The following SUN1 variants were observed in gnomAD, a reference collection of about 807,000 sequenced individuals.
SUN1 encodes SUN domain-containing protein 1.
Under a neutral mutation model 103.2 loss-of-function variants are expected in SUN1, and 61 were observed. The ratio of observed to expected loss-of-function variants is 0.59; its 90% CI spans 0.48 to 0.73. The LOEUF (loss-of-function observed/expected upper bound fraction) is 0.73, where lower values mean the gene tolerates loss of function less well. Ranked by LOEUF, SUN1 falls within the 30% of genes least tolerant of loss-of-function variation. The pLI, the probability that SUN1 is intolerant of heterozygous loss-of-function variation, is 0.00. For synonymous variants in SUN1, 490 were observed against 425.7 expected (o/e 1.15, Z -1.86); for missense variants, 1,052 against 1,034.6 (o/e 1.02, Z -0.23).
intron 5 of SUN1, among the ~76,000 whole-genome samples, chr7:845,282 C>T (rs987816115): frequency 7.2e-5 from 11 of 152,092 alleles, no homozygotes; most frequent in African/African-American, 2.7e-4. Context: ...AAACTCATGG[C>T]GCCTCCCCTC....
chr7:871,626 G>C (rs149890277), intron 17 of SUN1, among the ~76,000 whole-genome samples: 3,568 of 152,272 alleles, frequency 0.023, 111 homozygotes, highest in African/African-American at 0.069. Context: ...CTGACCTTCT[G>C]ATCCACCCAC....
chr7:855,638 C>T (rs1271805029), intron 11 of SUN1, among the ~76,000 whole-genome samples: 1 of 152,242 alleles, frequency 6.6e-6, no homozygotes, highest in East Asian at 1.9e-4. Context: ...GGGACCCACT[C>T]CTGGACCTTG....
upstream of SUN1, chr7:830,792 C>G (rs1395620176): frequency 2.2e-5 from 5 of 225,730 alleles, no homozygotes; most frequent in Non-Finnish European, 3.7e-5. Flanking sequence ...GTCCATAGCA[C>G]TGAGTTAGCC....
At chr7:866,639 C>T (rs1254970666) in intron 16 of SUN1, among the ~76,000 whole-genome samples, 1 of 138,632 alleles carries the variant, frequency 7.2e-6, no homozygotes, top group African/African-American at 2.8e-5. Context: ...CCCGGGCCTT[C>T]GCCCCCACTG....
intron 15 of SUN1, 64 bp from the exon 16 acceptor site, chr7:865,888 G>T: frequency 5.5e-6 from 7 of 1,284,076 alleles, no homozygotes; most frequent in Non-Finnish European, 7.9e-6. Context: ...CTGAAGTGGT[G>T]CAGTACTATT....
In SUN1 at chr7:839,928, A is replaced by C. The variant is rs181420217; in HGVS notation, c.266+942A>C. ...TACATAAAGTTTAGGTTATTTACCT[A>C]TATTTGCGTTCGTCGAGTTCATTTG... On this transcript the variant is annotated intron_variant, in intron 2 of 18. Transcript: ENST00000401592. 3.5e-3 allele frequency among the ~76,000 whole-genome samples: 527 copies of C among 152,326 alleles called. 2 individuals are homozygous for C. The highest frequency in any genetic ancestry group is 5.5e-3 in the Non-Finnish European group (376 of 68,038).
intron 1 of SUN1, chr7:817,623 C>G: frequency 8.5e-7 from 1 of 1,176,982 alleles, no homozygotes; most frequent in Non-Finnish European, 1.2e-6. Context: ...TAGTATTGCC[C>G]ATGAAGTGCT....
At chr7:846,766 A>G (rs1048884105) in intron 5 of SUN1, among the ~76,000 whole-genome samples, 11 of 151,540 alleles carry the variant, frequency 7.3e-5, no homozygotes, top group Admixed American at 6.6e-4. Flanking sequence ...ACTTCCAGCT[A>G]CTCAGGAGGC....
chr7:843,724 A>C lies in SUN1; in HGVS notation c.658+204A>C. The C allele has an allele frequency of 2.1e-6, 3 of 1,428,300 alleles. No homozygotes were observed. The South Asian group carries it at 4.8e-5, about 23-fold the overall frequency. 88.5% of individuals were successfully genotyped at this position (1,428,300 alleles called of 1,614,324 possible). A position where few individuals can be genotyped will look rare whatever the true frequency, so the allele number is the denominator to read the frequency against. ...ATGTGGTTAGTAATTTTGTACCTAA[A>C]AGTATTTGAAATTCTATAAATTTGG... On this transcript the variant is annotated intron_variant, in intron 5 of 18. Coordinates refer to ENST00000401592, the MANE Select transcript of SUN1 (RefSeq NM_001130965.3).
intron 1 of SUN1, among the ~76,000 whole-genome samples, chr7:820,089 A>G (rs1466412411): frequency 6.6e-6 from 1 of 152,206 alleles, no homozygotes; most frequent in Non-Finnish European, 1.5e-5. Context: ...TTTAAAGATC[A>G]GTTTTTCCAT....
At chr7:857,611 T>C (rs1828704191) in intron 12 of SUN1, among the ~76,000 whole-genome samples, 1 of 152,210 alleles carries the variant, frequency 6.6e-6, no homozygotes, top group Admixed American at 6.5e-5. Flanking sequence ...AGTGTGAACA[T>C]TTGTATGTTA....
intron 13 of SUN1, among the ~76,000 whole-genome samples, chr7:859,117 C>T (rs1176696672): frequency 6.7e-6 from 1 of 149,032 alleles, no homozygotes; most frequent in African/African-American, 2.5e-5. Context: ...CGCGCCACTG[C>T]ACTCCAGCCT....
chr7:862,686 G>C (rs960273000), intron 15 of SUN1, among the ~76,000 whole-genome samples: 3 of 152,206 alleles, frequency 2.0e-5, no homozygotes, highest in South Asian at 2.1e-4. Context: ...AATCCTTACA[G>C]GTTTGTGTGT....
intron 2 of SUN1, among the ~76,000 whole-genome samples, chr7:840,570 C>A (rs1808495493): frequency 6.6e-6 from 1 of 151,964 alleles, no homozygotes; most frequent in Non-Finnish European, 1.5e-5. Flanking sequence ...AGGGTGTTTT[C>A]ATCTGATGGC....
At chr7:823,614 C>G (rs1007881975) in intron 1 of SUN1, among the ~76,000 whole-genome samples, 5 of 152,090 alleles carry the variant, frequency 3.3e-5, no homozygotes, top group South Asian at 2.1e-4. Context: ...TGCACCAGTG[C>G]CGTGTGTGCA....
chr7:873,441 T>C lies in SUN1; in HGVS notation c.*110T>C. On this transcript the variant is annotated 3_prime_UTR_variant, in exon 19 of 19. Coordinates refer to ENST00000401592, the MANE Select transcript of SUN1 (RefSeq NM_001130965.3). ...CAATGATGGGACAGTGCCACACTCC[T>C]TCAATAAACGTGGCTGCTGGCCAGA... The C allele has an allele frequency of 9.3e-7, 1 of 1,075,378 alleles. No homozygotes were observed. The highest frequency in any genetic ancestry group is 1.4e-6 in the Non-Finnish European group (1 of 729,024). The allele number at this position is 1,075,378 out of a possible 1,614,324, so 66.6% of individuals were successfully genotyped here.
At chr7:827,904 G>T (rs55800542), upstream of SUN1, among the ~76,000 whole-genome samples, 5,759 of 149,932 alleles carry the variant, frequency 0.038, 352 homozygotes, top group African/African-American at 0.13. Flanking sequence ...CGTAGTTTTT[G>T]TTTGTTTGTT....
upstream of SUN1, among the ~76,000 whole-genome samples, chr7:815,603 G>C (rs562913318): frequency 1.3e-5 from 2 of 152,218 alleles, no homozygotes; most frequent in South Asian, 2.1e-4. Context: ...GAGCAAAAAA[G>C]GTGAACATGA....
chr7:827,091 A>T (rs1172371825), intron 1 of SUN1, among the ~76,000 whole-genome samples: 1 of 151,950 alleles, frequency 6.6e-6, no homozygotes, highest in African/African-American at 2.4e-5. Flanking sequence ...GGCAGATCTC[A>T]GCTCACTGCA....
Sources: gnomAD v4.1 joint callset for allele counts (sites outside exome capture counted in the v4.1 genomes callset) on GRCh38, gnomAD v4.1.1 for gene constraint, MANE v1.5 for transcripts, NCBI Gene and HGNC (gene_info 2026-07-23, HGNC 2026-07-21) for gene names.